The following MRTFA variants were observed in gnomAD, a reference collection of about 807,000 sequenced individuals.
MRTFA encodes myocardin related transcription factor A, also known as myocardin-related transcription factor A.
A neutral mutation model predicts 83.5 loss-of-function variants in MRTFA; 20 were observed. That is an observed-to-expected ratio of 0.24 (90% CI 0.17 to 0.35). MRTFA has a LOEUF of 0.35. Ranked by LOEUF, MRTFA falls within the 10% of genes least tolerant of loss-of-function variation. The pLI, the probability that MRTFA is intolerant of heterozygous loss-of-function variation, is 1.00. For missense variants in MRTFA, 1,200 were observed against 1,224.7 expected (o/e 0.98, Z 0.30); for synonymous variants, 659 against 541.2 (o/e 1.22, Z -3.02).
intron 14 of MRTFA, among the ~76,000 whole-genome samples, chr22:40,413,596 C>T (rs1345356741): frequency 6.6e-6 from 1 of 152,072 alleles, no homozygotes; most frequent in African/African-American, 2.4e-5. Context: ...TGCCCGCCAC[C>T]ATGCCCGGAT....
chr22:40,556,307 T>C (rs925991793), intron 2 of MRTFA, among the ~76,000 whole-genome samples: 3 of 152,156 alleles, frequency 2.0e-5, no homozygotes, highest in Non-Finnish European at 4.4e-5. Context: ...AGAAAGGCAC[T>C]AGAAACTAAA....
At chr22:40,484,096 T>C (rs1237249352) in intron 3 of MRTFA, among the ~76,000 whole-genome samples, 4 of 151,678 alleles carry the variant, frequency 2.6e-5, no homozygotes, top group African/African-American at 4.9e-5. Flanking sequence ...TATAGATAGA[T>C]AGATAATTAG....
At chr22:40,449,834 GC>G (rs1487546460) in intron 4 of MRTFA, among the ~76,000 whole-genome samples, 1 of 152,164 alleles carries the variant, frequency 6.6e-6, no homozygotes, top group Non-Finnish European at 1.5e-5. Context: ...TGGGCTTTTT[GC>G]CATCTTCCTC....
intron 1 of MRTFA, among the ~76,000 whole-genome samples, chr22:40,606,048 C>T (rs2056315679): frequency 6.6e-6 from 1 of 152,114 alleles, no homozygotes; most frequent in South Asian, 2.1e-4. Flanking sequence ...GATTATATAA[C>T]CTTTCTTCCT....
intron 2 of MRTFA, among the ~76,000 whole-genome samples, chr22:40,553,511 G>A (rs920438974): frequency 3.3e-5 from 5 of 152,140 alleles, no homozygotes; most frequent in Admixed American, 1.3e-4. Context: ...GCTTCGAAGC[G>A]TGCAAGCCCA....
intron 4 of MRTFA, among the ~76,000 whole-genome samples, chr22:40,454,291 T>C (rs982431737): frequency 1.3e-5 from 2 of 152,180 alleles, no homozygotes; most frequent in African/African-American, 4.8e-5. Flanking sequence ...AATTTCTGTA[T>C]TTTTTGTAGA....
chr22:40,623,100 G>C (rs1179244128), intron 1 of MRTFA, among the ~76,000 whole-genome samples: 1 of 152,200 alleles, frequency 6.6e-6, no homozygotes, highest in Admixed American at 6.5e-5. Flanking sequence ...AATGAAAACT[G>C]TTTTGGTAGA....
intron 6 of MRTFA, 79 bp downstream of exon 6, chr22:40,431,326 G>T: frequency 7.5e-7 from 1 of 1,338,526 alleles, no homozygotes; most frequent in Non-Finnish European, 1.1e-6. Context: ...AAAGAGGCAG[G>T]AAGGAAATGG....
chr22:40,612,371 T>C (rs1167050152), intron 1 of MRTFA, among the ~76,000 whole-genome samples: 1 of 152,240 alleles, frequency 6.6e-6, no homozygotes, highest in Non-Finnish European at 1.5e-5. Flanking sequence ...CAGCCACTCA[T>C]TCATTCAACA....
chr22:40,524,876 C>G (rs550058589), intron 3 of MRTFA, among the ~76,000 whole-genome samples: 1 of 152,288 alleles, frequency 6.6e-6, no homozygotes, highest in South Asian at 2.1e-4. Context: ...GTCGCAATCT[C>G]GGCTCACTGC....
intron 2 of MRTFA, among the ~76,000 whole-genome samples, chr22:40,561,151 G>C (rs2055609100): frequency 7.1e-6 from 1 of 141,776 alleles, no homozygotes; most frequent in African/African-American, 2.6e-5. Context: ...GTCTCAGCAG[G>C]TATGTAGGGG....
At chr22:40,560,193 G>A (rs1175403454) in intron 2 of MRTFA, among the ~76,000 whole-genome samples, 1 of 152,130 alleles carries the variant, frequency 6.6e-6, no homozygotes, top group Non-Finnish European at 1.5e-5. Context: ...GTTGAAGCTG[G>A]TTATTAGGTA....
chr22:40,599,716 T>C (rs995178354), intron 1 of MRTFA, among the ~76,000 whole-genome samples: 1 of 152,080 alleles, frequency 6.6e-6, no homozygotes, highest in South Asian at 2.1e-4. Flanking sequence ...CTGGGCAATA[T>C]GGCAAAACCC....
intron 1 of MRTFA, among the ~76,000 whole-genome samples, chr22:40,609,012 G>C (rs2147408841): frequency 6.6e-6 from 1 of 152,330 alleles, no homozygotes; most frequent in East Asian, 1.9e-4. Flanking sequence ...ATTACATTTA[G>C]TTGGGCATGG....
chr22:40,532,030 G>C (rs999477611), intron 3 of MRTFA, among the ~76,000 whole-genome samples: 2 of 152,154 alleles, frequency 1.3e-5, no homozygotes, highest in African/African-American at 2.4e-5. Flanking sequence ...CAACACTCTT[G>C]TCAATTTCAT....
chr22:40,629,319 G>A (rs1336785676), intron 1 of MRTFA, among the ~76,000 whole-genome samples: 1 of 151,926 alleles, frequency 6.6e-6, no homozygotes, highest in African/African-American at 2.4e-5. Context: ...GGTGGCACAT[G>A]CCTGTAGTCC....
chr22:40,467,173 T>G (rs1471375935), intron 3 of MRTFA, among the ~76,000 whole-genome samples: 1 of 152,152 alleles, frequency 6.6e-6, no homozygotes, highest in East Asian at 1.9e-4. Context: ...AATAACAGAA[T>G]TATCCTGTAT....
chr22:40,462,031 C>T (rs1737702898), intron 4 of MRTFA, among the ~76,000 whole-genome samples: 1 of 152,204 alleles, frequency 6.6e-6, no homozygotes, highest in South Asian at 2.1e-4. Context: ...TTCTGAATGG[C>T]CAGCTTCATC....
intron 2 of MRTFA, among the ~76,000 whole-genome samples, chr22:40,593,824 C>G (rs545767882): frequency 2.6e-5 from 4 of 152,238 alleles, no homozygotes; most frequent in African/African-American, 9.6e-5. Context: ...TTACAGGATT[C>G]CTGGTTGGGG....
Sources: allele counts gnomAD v4.1 joint callset (sites outside exome capture counted in the v4.1 genomes callset), GRCh38; gene constraint gnomAD v4.1.1; transcripts MANE v1.5; gene names NCBI Gene and HGNC (gene_info 2026-07-23, HGNC 2026-07-21).